MTM1: variants seen among roughly 807,000 people sequenced by gnomAD.
MTM1 encodes the protein myotubularin.
In MTM1, 9 loss-of-function variants were observed where a neutral mutation model predicts 52.1. That is an observed-to-expected ratio of 0.17 (90% CI 0.10 to 0.30). The LOEUF (loss-of-function observed/expected upper bound fraction) is 0.30. MTM1 is among the 10% of genes least tolerant of loss of function. MTM1 has a pLI of 1.00. For synonymous variants in MTM1, 136 were observed against 163.8 expected (o/e 0.83, Z 1.29); for missense variants, 277 against 470.7 (o/e 0.59, Z 3.81).
At chrX:150,623,218 G>C (rs891738476) in intron 6 of MTM1, among the ~76,000 whole-genome samples, 14 of 111,014 alleles carry the variant, frequency 1.3e-4, no homozygotes, top group Non-Finnish European at 2.3e-4. Flanking sequence ...GGCGAGGGAA[G>C]AGCCTGGAAA....
At chrX:150,645,570 GCACAA>G in intron 8 of MTM1, 108 bp from the exon 9 acceptor site, 1 of 697,643 alleles carries the variant, frequency 1.4e-6, no homozygotes, top group East Asian at 3.3e-5. Flanking sequence ...TTCTATTTTA[GCACAA>G]TCAGATTCAC....
rs782151485 is a variant in MTM1 at position 150,659,771 on chromosome X, G to T, written c.1353+15G>T. On this transcript the variant is annotated intron_variant, in intron 12 of 14. Coordinates refer to ENST00000370396, the MANE Select transcript of MTM1 (RefSeq NM_000252.3). Reference sequence around the variant, plus strand: ...TGTCAAAACAGGTAAGGAATATGAGGGATGAAAATACATTCAACTCATTGT... The same window carrying T: ...TGTCAAAACAGGTAAGGAATATGAGTGATGAAAATACATTCAACTCATTGT... 6 of 1,120,135 alleles carry T rather than the reference G, an allele frequency of 5.4e-6. No individual in the cohort carries two copies. In the South Asian group the frequency reaches 9.1e-5, roughly 17 times the overall value. The allele number at this position is 1,120,135 out of a possible 1,213,427, so 92.3% of individuals were successfully genotyped here.
At position 150,633,202 on chromosome X, in the gene MTM1, G is replaced by A. The variant is rs782590303; in HGVS notation, c.445-5741G>A. On this transcript the variant is annotated intron_variant, in intron 6 of 14. Coordinates refer to ENST00000370396, the MANE Select transcript of MTM1 (RefSeq NM_000252.3). ...CTTTCGTGAACAAATAAATAGGTAC[G>A]TTTATATATGAAGACAATGATGACA... 3.6e-5 allele frequency among the ~76,000 whole-genome samples: 4 copies of A among 112,156 alleles called. No individual in the cohort carries two copies. The South Asian group carries it at 1.5e-3, about 41-fold the overall frequency.
chrX:150,613,936 G>A (rs936723926), intron 4 of MTM1, among the ~76,000 whole-genome samples: 7 of 112,314 alleles, frequency 6.2e-5, no homozygotes, highest in African/African-American at 1.9e-4. Context: ...GCATGCCAGA[G>A]ACAAGCACCA....
rs781856399 is a variant in MTM1 at position 150,659,658 on chromosome X, A to G, written c.1261-6A>G. 3.3e-6 allele frequency: 4 copies of G among 1,198,016 alleles called. No individual in the cohort carries two copies. The highest frequency in any genetic ancestry group is 4.5e-6 in the Non-Finnish European group (4 of 884,168). ...TAAAACAAATTATCTTCATCAATTT[A>G]TTCAGCGAATAGGTCATGGTGATAA... is the stretch of plus-strand genomic sequence containing the variant. On this transcript the variant is annotated splice_region_variant and splice_polypyrimidine_tract_variant and intron_variant, in intron 11 of 14. Coordinates refer to ENST00000370396, the MANE Select transcript of MTM1 (RefSeq NM_000252.3).
chrX:150,604,732 T>C (rs1263942844), intron 4 of MTM1, among the ~76,000 whole-genome samples: 1 of 111,149 alleles, frequency 9.0e-6, no homozygotes, highest in African/African-American at 3.3e-5. Flanking sequence ...CCCTGACTTC[T>C]GCATCTCTCC....
chrX:150,655,645 G>A (rs1372118527), intron 10 of MTM1, among the ~76,000 whole-genome samples: 2 of 112,084 alleles, frequency 1.8e-5, no homozygotes, highest in Admixed American at 9.5e-5. Flanking sequence ...AATCACAAAA[G>A]GCCACCTATT....
rs1415757558 is a variant in MTM1 at position 150,614,522 on chromosome X, T to A, written c.232-67T>A. 4 of 658,550 alleles carry A rather than the reference T, an allele frequency of 6.1e-6. No homozygotes were observed. In the Admixed American group the frequency reaches 7.6e-5, roughly 12 times the overall value. The allele number at this position is 658,550 out of a possible 1,213,427, so 54.3% of individuals were successfully genotyped here. On this transcript the variant is annotated intron_variant, in intron 4 of 14. Transcript: ENST00000370396. ...CACTCTGAAAGCATATGGTTGTTTT[T>A]ATATGTTTTTTGATGTTTTAATTAT...
Position 150,619,213 on chromosome X carries a change from A to T in MTM1, c.444+74A>T, listed in dbSNP as rs938683549. On this transcript the variant is annotated intron_variant, in intron 6 of 14. Transcript: ENST00000370396. ...CTGTGAAAACTGCCTGCAAACTGGG[A>T]TCCTCTTTCTTTTAATGTCTGTGTT... 5.4e-5 allele frequency: 39 copies of T among 723,719 alleles called. No homozygotes were observed. The East Asian group carries it at 1.1e-3, about 20-fold the overall frequency. The allele number at this position is 723,719 out of a possible 1,213,427, so 59.6% of individuals were successfully genotyped here. A position where few individuals can be genotyped will look rare whatever the true frequency, so the allele number is the denominator to read the frequency against.
At chrX:150,622,269 C>G (rs1174928675) in intron 6 of MTM1, among the ~76,000 whole-genome samples, 1 of 109,076 alleles carries the variant, frequency 9.2e-6, no homozygotes, top group Non-Finnish European at 1.9e-5. Context: ...AGGTTTTAAT[C>G]ACTGAAAGTC....
At chrX:150,627,389 A>G (rs1303871839) in intron 6 of MTM1, among the ~76,000 whole-genome samples, 1 of 111,726 alleles carries the variant, frequency 9.0e-6, no homozygotes, top group Non-Finnish European at 1.9e-5. Flanking sequence ...GTCTCTCCTG[A>G]GATGTAAGCT....
intron 3 of MTM1, among the ~76,000 whole-genome samples, chrX:150,597,199 C>A (rs922848126): frequency 1.8e-5 from 2 of 112,246 alleles, no homozygotes; most frequent in Non-Finnish European, 3.8e-5. Flanking sequence ...TCCTTTCAGA[C>A]TTCAATGTAT....
intron 1 of MTM1, among the ~76,000 whole-genome samples, chrX:150,583,220 TTA>T (rs2038631878): frequency 1.4e-5 from 1 of 69,485 alleles, no homozygotes; most frequent in South Asian, 7.3e-4. Context: ...TATATAAAAA[TTA>T]TATAAATTAT....
chrX:150,643,792 G>GAT (rs2039885752), intron 8 of MTM1, among the ~76,000 whole-genome samples: 2 of 111,812 alleles, frequency 1.8e-5, no homozygotes, highest in Admixed American at 1.9e-4. Flanking sequence ...TCAGTGGTTA[G>GAT]ATATTTGTGT....
intron 14 of MTM1, among the ~76,000 whole-genome samples, chrX:150,668,648 T>C (rs1466372359): frequency 9.0e-6 from 1 of 110,659 alleles, no homozygotes; most frequent in East Asian, 2.8e-4. Flanking sequence ...GAGGTTACAG[T>C]GTTCAAGATT....
chrX:150,637,414 T>A (rs782759319), intron 6 of MTM1, among the ~76,000 whole-genome samples: 1 of 111,152 alleles, frequency 9.0e-6, no homozygotes, highest in East Asian at 2.8e-4. Context: ...CATGTCTTCA[T>A]TCGGTCAGCG....
At chrX:150,565,654 A>C (rs2148387720), upstream of MTM1, among the ~76,000 whole-genome samples, 1 of 111,404 alleles carries the variant, frequency 9.0e-6, no homozygotes, top group Non-Finnish European at 1.9e-5. Context: ...GTAAGGGATG[A>C]AGCCAACCAA....
chrX:150,656,338 G>GACAC (rs782107286), intron 10 of MTM1, among the ~76,000 whole-genome samples: 13 of 110,133 alleles, frequency 1.2e-4, no homozygotes, highest in African/African-American at 3.7e-4. Context: ...TTTGGACACA[G>GACAC]ACACACACAC....
At chrX:150,662,552 G>A (rs1174413469) in intron 13 of MTM1, among the ~76,000 whole-genome samples, 3 of 110,993 alleles carry the variant, frequency 2.7e-5, no homozygotes, top group South Asian at 3.8e-4. Context: ...TCAAACTCCT[G>A]ACCTCAGGTG....
Sources: gnomAD v4.1 joint callset for allele counts (sites outside exome capture counted in the v4.1 genomes callset) on GRCh38, gnomAD v4.1.1 for gene constraint, MANE v1.5 for transcripts, NCBI Gene and HGNC (gene_info 2026-07-23, HGNC 2026-07-21) for gene names.